The following LACTBL1 variants were observed in gnomAD, a reference collection of about 807,000 sequenced individuals.
LACTBL1 encodes beta-lactamase-like protein 1.
LACTBL1 carries 29 observed loss-of-function variants against 39.6 expected under a neutral mutation model. The ratio of observed to expected loss-of-function variants is 0.73; its 90% CI spans 0.55 to 1.00. The LOEUF (loss-of-function observed/expected upper bound fraction) is 1.00, where lower values mean the gene tolerates loss of function less well. Ranked by LOEUF, LACTBL1 falls within the 50% of genes least tolerant of loss-of-function variation. The probability of loss-of-function intolerance (pLI) is 0.00; values close to 1 mark genes in which losing one functional copy is unlikely to be tolerated. For missense variants in LACTBL1, 711 were observed against 748.5 expected, an observed-to-expected ratio of 0.95 and a Z score of 0.59; for synonymous variants, 361 against 360.7, an observed-to-expected ratio of 1.00 and a Z score of -0.01.
upstream of LACTBL1, among the ~76,000 whole-genome samples, chr1:22,967,654 G>C (rs1417397718): frequency 3.9e-5 from 6 of 152,080 alleles, no homozygotes; most frequent in Non-Finnish European, 8.8e-5. Context: ...TAGAGAGAGA[G>C]AGAGAGAGAC....
chr1:22,970,573 C>T, the LACTBL1 span, among the ~76,000 whole-genome samples: 30 of 151,886 alleles, frequency 2.0e-4, 1 homozygote, highest in East Asian at 4.3e-3. Flanking sequence ...TCTGGGAGGC[C>T]GAGGCAGGAG....
Position 22,953,087 on chromosome 1 carries a change from T to A in LACTBL1, c.1597A>T (p.Arg533Ter). ...GGCTTGCCCCGCAGCCGCAGCACTC[T>A]GTACGTGTTGAGGCCGGGCACGTCG... The change falls in exon 6 of 6, where the codon AGA (arginine) becomes TGA (stop). Residue 533 changes from arginine to a stop codon, truncating the protein, a stop_gained. Coordinates refer to ENST00000426928, the Ensembl canonical transcript of LACTBL1. LOFTEE classifies it high-confidence loss of function. The A allele has an allele frequency of 8.1e-7, 1 of 1,232,222 alleles. No individual in the cohort carries two copies. Among genetic ancestry groups the A allele is most frequent in the Non-Finnish European group, 1.0e-6 (1 of 988,006 alleles). 76.3% of individuals were successfully genotyped at this position (1,232,222 alleles called of 1,614,324 possible).
rs965335179 is a variant in LACTBL1 at position 22,958,634 on chromosome 1, C to G, written c.553+51G>C. On this transcript the variant is annotated intron_variant, in intron 4 of 5. Transcript: ENST00000426928. ...GGCTGGATGAGAACCTGTTCCTCAG[C>G]TTCCCCACCTGAAATGGTTTGGGTC... 6.3e-6 allele frequency: 9 copies of G among 1,428,644 alleles called. No homozygotes were observed. In the African/African-American group the frequency reaches 7.1e-5, roughly 11 times the overall value. The allele number at this position is 1,428,644 out of a possible 1,614,324, so 88.5% of individuals were successfully genotyped here.
At chr1:22,960,189 C>A in intron 2 of LACTBL1, 90 bp from the exon 5 acceptor site, 1 of 1,454,640 alleles carries the variant, frequency 6.9e-7, no homozygotes, top group Non-Finnish European at 9.3e-7. Flanking sequence ...ATAGTCACAC[C>A]CTGCATGCAG....
chr1:22,956,851 A>C (rs896373841), intron 4 of LACTBL1, among the ~76,000 whole-genome samples: 3 of 152,086 alleles, frequency 2.0e-5, no homozygotes, highest in African/African-American at 7.2e-5. Flanking sequence ...ATAAGTAATT[A>C]ATTTACATGA....
intron 3 of LACTBL1, among the ~76,000 whole-genome samples, chr1:22,959,616 G>A (rs1181111097): frequency 6.6e-6 from 1 of 152,224 alleles, no homozygotes; most frequent in Non-Finnish European, 1.5e-5. Context: ...CTAGGAACTG[G>A]TTATGGTTCC....
exon 2 of LACTBL1, chr1:22,963,126 A>C: frequency 7.8e-7 from 1 of 1,286,920 alleles, no homozygotes; most frequent in Admixed American, 4.1e-5. Context: ...GGCCTCCTTC[A>C]ACACGGGGAG....
intron 2 of LACTBL1, among the ~76,000 whole-genome samples, 153 bp downstream of exon 4, chr1:22,962,954 A>G (rs1640840767): frequency 6.6e-6 from 1 of 152,254 alleles, no homozygotes; most frequent in Non-Finnish European, 1.5e-5. Context: ...TCTTCCTGCC[A>G]TATCCATAGT....
chr1:22,960,009 C>T (rs914703210), exon 3 of LACTBL1: 8 of 1,551,116 alleles, frequency 5.2e-6, no homozygotes, highest in Non-Finnish European at 7.0e-6. Flanking sequence ...CCAAAGTTCC[C>T]TGTCCAGAGC....
intron 2 of LACTBL1, among the ~76,000 whole-genome samples, chr1:22,962,713 G>C (rs1640837896): frequency 6.6e-6 from 1 of 152,000 alleles, no homozygotes; most frequent in East Asian, 1.9e-4. Flanking sequence ...TCCATCCCCA[G>C]GGTCCCTCAC....
chr1:22,960,475 G>C (rs1267584208), intron 2 of LACTBL1, among the ~76,000 whole-genome samples: 1 of 152,018 alleles, frequency 6.6e-6, no homozygotes, highest in Non-Finnish European at 1.5e-5. Flanking sequence ...AAATTAGCTG[G>C]GCATGGTGGC....
upstream of LACTBL1, among the ~76,000 whole-genome samples, chr1:22,968,696 TA>T (rs1640908301): frequency 6.6e-6 from 1 of 152,246 alleles, no homozygotes; most frequent in African/African-American, 2.4e-5. Context: ...TTTGCAATCT[TA>T]GCTCAGCCAC....
chr1:22,955,457 G>T, intron 4 of LACTBL1, 31 bp from the exon 7 acceptor site: 1 of 1,476,720 alleles, frequency 6.8e-7, no homozygotes, highest in Non-Finnish European at 9.2e-7. Context: ...GACTTACCGG[G>T]CCCGGCTGAG....
chr1:22,966,963 G>C (rs1039148184), upstream of LACTBL1, among the ~76,000 whole-genome samples: 2 of 152,234 alleles, frequency 1.3e-5, no homozygotes, highest in Non-Finnish European at 2.9e-5. Flanking sequence ...ACTGGGCCCA[G>C]TGGCTCACTC....
chr1:22,965,247 CA>C, intron 1 of LACTBL1, 42 bp downstream of exon 3: 3 of 1,299,132 alleles, frequency 2.3e-6, no homozygotes, highest in Admixed American at 8.0e-5. Context: ...CAGGAGGACC[CA>C]GGGGGCTATG....
At chr1:22,971,700 CA>C in the LACTBL1 span, among the ~76,000 whole-genome samples, 4 of 152,224 alleles carry the variant, frequency 2.6e-5, no homozygotes, top group African/African-American at 9.6e-5. Context: ...TAATCAGACA[CA>C]AGGGCCTGGG....
At chr1:22,965,142 G>A (rs1640863681) in intron 1 of LACTBL1, 148 bp downstream of exon 3, 1 of 586,656 alleles carries the variant, frequency 1.7e-6, no homozygotes, top group South Asian at 8.9e-5. Flanking sequence ...TGCACAGCTA[G>A]TGAGAGCTGG....
upstream of LACTBL1, chr1:22,965,362 A>G (rs1011824607): frequency 3.8e-5 from 49 of 1,276,122 alleles, no homozygotes; most frequent in South Asian, 6.0e-5. Flanking sequence ...AGGCAGAAGA[A>G]GCTGCAGATG....
chr1:22,967,902 T>G (rs1640899659), upstream of LACTBL1, among the ~76,000 whole-genome samples: 2 of 152,304 alleles, frequency 1.3e-5, no homozygotes, highest in South Asian at 4.2e-4. Context: ...TAATAAATAT[T>G]TGTTAAATGC....
Sources: allele counts gnomAD v4.1 joint callset (sites outside exome capture counted in the v4.1 genomes callset), GRCh38; gene constraint gnomAD v4.1.1; transcripts MANE v1.5; gene names NCBI Gene and HGNC (gene_info 2026-07-23, HGNC 2026-07-21).